NRG3: variants seen among roughly 807,000 people sequenced by gnomAD.
The protein encoded by NRG3 is pro-neuregulin-3, membrane-bound isoform.
In NRG3, 31 loss-of-function variants were observed where a neutral mutation model predicts 66.9. The ratio of observed to expected loss-of-function variants is 0.46; its 90% CI spans 0.35 to 0.63. The LOEUF is 0.63. NRG3 is among the 20% of genes least tolerant of loss of function. NRG3 has a pLI of 0.00. For synonymous variants in NRG3, 393 were observed against 359.4 expected, an observed-to-expected ratio of 1.09 and a Z score of -1.06; for missense variants, 910 against 878.9, an observed-to-expected ratio of 1.04 and a Z score of -0.45.
intron 1 of NRG3, among the ~76,000 whole-genome samples, chr10:81,945,374 C>T (rs1020412440): frequency 6.6e-6 from 1 of 151,930 alleles, no homozygotes; most frequent in Non-Finnish European, 1.5e-5. Flanking sequence ...CTGTAGCTCA[C>T]TGTTAATGCT....
chr10:82,172,246 C>G (rs1422981310), intron 1 of NRG3, among the ~76,000 whole-genome samples: 1 of 152,060 alleles, frequency 6.6e-6, no homozygotes, highest in Non-Finnish European at 1.5e-5. Context: ...TAGTGGACAA[C>G]TAATAAACAA....
rs571782122 is a variant in NRG3, at chr10:82,285,263, G to C, written c.824-73476G>C. On this transcript the variant is annotated intron_variant, in intron 1 of 8. Coordinates refer to ENST00000372141, the MANE Select transcript of NRG3 (RefSeq NM_001010848.4). ...ACTAAAAGAGCACCTGGGTCAGGGG[G>C]TGGAGACTCGGTTTACCAAGTTCTT... Among the ~76,000 whole-genome samples, 9 of 152,280 alleles carry C rather than the reference G, an allele frequency of 5.9e-5. No individual in the cohort carries two copies. The South Asian group carries it at 1.9e-3, about 32-fold the overall frequency.
intron 3 of NRG3, among the ~76,000 whole-genome samples, chr10:82,813,584 G>A (rs908895647): frequency 2.0e-5 from 3 of 151,962 alleles, no homozygotes; most frequent in Non-Finnish European, 4.4e-5. Flanking sequence ...AGACTTCCTC[G>A]AGAGCATGGT....
chr10:82,242,641 G>A (rs2077054193), intron 1 of NRG3, among the ~76,000 whole-genome samples: 1 of 152,178 alleles, frequency 6.6e-6, no homozygotes, highest in Non-Finnish European at 1.5e-5. Flanking sequence ...TGGGGGAAGA[G>A]CTAATTACTT....
At position 82,852,894 on chromosome 10, in the gene NRG3, A is replaced by G. The variant is rs538542225; in HGVS notation, c.1028-12517A>G. Among the ~76,000 whole-genome samples the G allele has an allele frequency of 7.9e-5, 12 of 152,336 alleles. No homozygotes were observed. The East Asian group carries it at 1.4e-3, about 17-fold the overall frequency. ...TAAGACTTTAAAATACCTGGATTCA[A>G]CTGAGTTCCCAACTAATTATTAGAC... On this transcript the variant is annotated intron_variant, in intron 3 of 8. Coordinates refer to ENST00000372141, the MANE Select transcript of NRG3 (RefSeq NM_001010848.4).
chr10:82,611,174 T>G (rs2048289878), intron 2 of NRG3, among the ~76,000 whole-genome samples: 1 of 152,122 alleles, frequency 6.6e-6, no homozygotes, highest in African/African-American at 2.4e-5. Context: ...TTTGGTATCT[T>G]AAGTAGTTAT....
rs578018039 is a variant in NRG3 at position 82,815,421 on chromosome 10, C to T, written c.1028-49990C>T. The stretch of plus-strand genomic sequence containing the variant: ...TGTTCACTTAAAAGCTTACAACAAA[C>T]ATCATGAGAGGTTTGACACTTTTGT... On this transcript the variant is annotated intron_variant, in intron 3 of 8. Coordinates refer to ENST00000372141, the MANE Select transcript of NRG3 (RefSeq NM_001010848.4). Among the ~76,000 whole-genome samples the T allele has an allele frequency of 1.4e-4, 22 of 152,270 alleles. No individual in the cohort carries two copies. In the South Asian group the frequency reaches 4.6e-3, roughly 32 times the overall value.
Position 82,352,081 on chromosome 10 carries a change from A to G in NRG3, c.824-6658A>G, listed in dbSNP as rs80328926. On this transcript the variant is annotated intron_variant, in intron 1 of 8. Coordinates refer to ENST00000372141, the MANE Select transcript of NRG3 (RefSeq NM_001010848.4). ...TTGAAAATCTCATCTACAATAGTTA[A>G]AAGTCCATAATTTAGGGTTAGTGTG... 4.7e-3 allele frequency among the ~76,000 whole-genome samples: 720 copies of G among 152,354 alleles called. 5 individuals are homozygous for G. The highest frequency in any genetic ancestry group is 0.017 in the African/African-American group (690 of 41,576).
chr10:82,164,204 A>G (rs2071848221), intron 1 of NRG3, among the ~76,000 whole-genome samples: 1 of 152,162 alleles, frequency 6.6e-6, no homozygotes, highest in Non-Finnish European at 1.5e-5. Flanking sequence ...GGCGTGAGCC[A>G]CAGCACCTGG....
At chr10:82,285,390 C>T (rs2079362022) in intron 1 of NRG3, among the ~76,000 whole-genome samples, 1 of 152,138 alleles carries the variant, frequency 6.6e-6, no homozygotes, top group Non-Finnish European at 1.5e-5. Flanking sequence ...CTGTTTATTG[C>T]ACCAGCCATT....
intron 4 of NRG3, among the ~76,000 whole-genome samples, chr10:82,939,429 T>TTTG (rs143997584): frequency 2.6e-5 from 4 of 152,086 alleles, no homozygotes; most frequent in East Asian, 3.9e-4. Context: ...CAGTTTTTCC[T>TTTG]TTGTTGTTGT....
intron 2 of NRG3, among the ~76,000 whole-genome samples, chr10:82,447,249 C>G (rs893775312): frequency 6.6e-6 from 1 of 152,098 alleles, no homozygotes; most frequent in African/African-American, 2.4e-5. Flanking sequence ...GAATGTTCTT[C>G]TATTTGAATT....
At chr10:82,190,030 G>A (rs541089032) in intron 1 of NRG3, among the ~76,000 whole-genome samples, 7 of 152,154 alleles carry the variant, frequency 4.6e-5, no homozygotes, top group African/African-American at 1.7e-4. Flanking sequence ...ATTCCAAAAG[G>A]AGCAAGCAAT....
intron 2 of NRG3, among the ~76,000 whole-genome samples, chr10:82,541,272 G>A (rs891088679): frequency 6.6e-6 from 1 of 152,088 alleles, no homozygotes; most frequent in Non-Finnish European, 1.5e-5. Flanking sequence ...ATGCATATAC[G>A]TATATGTATA....
intron 2 of NRG3, among the ~76,000 whole-genome samples, chr10:82,397,868 C>G (rs2086812027): frequency 6.6e-6 from 1 of 152,120 alleles, no homozygotes; most frequent in South Asian, 2.1e-4. Context: ...AAGGCAAATA[C>G]CAGCTGCCTC....
At chr10:82,908,423 A>G (rs572536916) in intron 4 of NRG3, among the ~76,000 whole-genome samples, 1 of 152,322 alleles carries the variant, frequency 6.6e-6, no homozygotes, top group East Asian at 1.9e-4. Context: ...CCTGAGCAGA[A>G]GATACACTGA....
At chr10:82,922,026 C>G (rs758258555) in intron 4 of NRG3, among the ~76,000 whole-genome samples, 11 of 152,034 alleles carry the variant, frequency 7.2e-5, no homozygotes, top group African/African-American at 4.8e-5. Context: ...TCATTGTTAT[C>G]GTGTATGAAC....
chr10:82,766,132 T>A (rs1292437847), intron 3 of NRG3, among the ~76,000 whole-genome samples: 1 of 152,184 alleles, frequency 6.6e-6, no homozygotes, highest in Non-Finnish European at 1.5e-5. Context: ...AATTTAGAGT[T>A]TGCTAAAAGT....
At chr10:82,345,766 A>C (rs900047563) in intron 1 of NRG3, among the ~76,000 whole-genome samples, 23 of 151,960 alleles carry the variant, frequency 1.5e-4, no homozygotes, top group Admixed American at 3.9e-4. Flanking sequence ...GTTATCCTTG[A>C]AGAGGTCCTT....
Sources: gnomAD v4.1 joint callset for allele counts (sites outside exome capture counted in the v4.1 genomes callset) on GRCh38, gnomAD v4.1.1 for gene constraint, MANE v1.5 for transcripts, NCBI Gene and HGNC (gene_info 2026-07-23, HGNC 2026-07-21) for gene names.